FGF14: variants seen among roughly 807,000 people sequenced by gnomAD.
The protein encoded by FGF14 is fibroblast growth factor 14.
A neutral mutation model predicts 25.5 loss-of-function variants in FGF14; 5 were observed. The observed-to-expected ratio is 0.20, with a 90% confidence interval of 0.10 to 0.41. The LOEUF (loss-of-function observed/expected upper bound fraction) is 0.41, where lower values mean the gene tolerates loss of function less well. FGF14 is among the 10% of genes least tolerant of loss of function. The pLI is 1.00. For missense variants in FGF14, 222 were observed against 320.1 expected (o/e 0.69, Z 2.34); for synonymous variants, 138 against 118.3 (o/e 1.17, Z -1.08).
rs551302243 is a variant in FGF14 at position 102,201,034 on chromosome 13, G to A, written c.208+200437C>T. Among the ~76,000 whole-genome samples the A allele has an allele frequency of 1.6e-4, 24 of 147,336 alleles. 1 individual carries two copies. The South Asian group carries it at 2.1e-3, about 13-fold the overall frequency. On this transcript the variant is annotated intron_variant, in intron 1 of 4. Coordinates refer to the FGF14 transcript ENST00000376131. ...GGAGAATGGCGTGAACCCGGGAGGC[G>A]GAGCTTGCTTGAGCTGAGATCGCGC...
intron 1 of FGF14, among the ~76,000 whole-genome samples, chr13:102,123,865 G>A (rs1372538589): frequency 2.0e-5 from 3 of 152,096 alleles, no homozygotes; most frequent in Non-Finnish European, 2.9e-5. Flanking sequence ...GACATTAGAA[G>A]TGTTTTGAGC....
At chr13:102,119,622 TAATA>T (rs2045626762) in intron 1 of FGF14, among the ~76,000 whole-genome samples, 2 of 152,190 alleles carry the variant, frequency 1.3e-5, no homozygotes, top group African/African-American at 4.8e-5. Context: ...TGGAAATAAA[TAATA>T]TATATGTATG....
intron 1 of FGF14, among the ~76,000 whole-genome samples, chr13:102,076,008 G>A (rs1440049488): frequency 6.6e-6 from 1 of 152,078 alleles, no homozygotes; most frequent in African/African-American, 2.4e-5. Context: ...TATTACAGAA[G>A]AGTCAAAAAT....
intron 1 of FGF14, among the ~76,000 whole-genome samples, chr13:101,888,518 T>C (rs2046107715): frequency 6.6e-6 from 1 of 152,170 alleles, no homozygotes; most frequent in Admixed American, 6.6e-5. Context: ...TATGTGACTT[T>C]AGGTAATTCA....
chr13:102,012,394 C>T (rs1273519277), intron 1 of FGF14, among the ~76,000 whole-genome samples: 2 of 152,130 alleles, frequency 1.3e-5, no homozygotes, highest in Non-Finnish European at 2.9e-5. Flanking sequence ...TCTAGATTTC[C>T]TAGCAGGCCT....
chr13:101,736,037 T>G (rs184024073), intron 3 of FGF14, among the ~76,000 whole-genome samples: 1 of 152,332 alleles, frequency 6.6e-6, no homozygotes, highest in East Asian at 1.9e-4. Context: ...AACGTTTCTT[T>G]GTTTGACAAA....
intron 1 of FGF14, among the ~76,000 whole-genome samples, chr13:102,347,736 G>A (rs887874234): frequency 1.3e-5 from 2 of 152,100 alleles, no homozygotes; most frequent in African/African-American, 2.4e-5. Context: ...CCACTGAAGC[G>A]GAATCAGGCC....
intron 1 of FGF14, among the ~76,000 whole-genome samples, chr13:101,971,110 G>A (rs1177853872): frequency 1.3e-5 from 2 of 152,122 alleles, no homozygotes; most frequent in Admixed American, 6.6e-5. Context: ...CACCCCAATA[G>A]ATCCTAGATA....
chr13:102,095,977 TTGTGTGTGTG>T (rs35113785), intron 1 of FGF14, among the ~76,000 whole-genome samples: 2 of 142,734 alleles, frequency 1.4e-5, no homozygotes, highest in South Asian at 2.3e-4. Context: ...TAAATACAAT[TTGTGTGTGTG>T]TGTGTGTGTG....
At chr13:101,863,782 A>G (rs2044552063) in intron 3 of FGF14, among the ~76,000 whole-genome samples, 1 of 152,140 alleles carries the variant, frequency 6.6e-6, no homozygotes, top group African/African-American at 2.4e-5. Flanking sequence ...AGAGGAAAAT[A>G]ACATTGTTCC....
rs537172032 is a variant in FGF14 at position 102,160,680 on chromosome 13, C to CA, written c.208+240790dup. ...AGAAAACAGAGGGACTGCCCTTTCA[C>CA]AAAAAATGCTAGAATATCCTCAAGA... On this transcript the variant is annotated intron_variant, in intron 1 of 4. Transcript: ENST00000376131. Among the ~76,000 whole-genome samples the CA allele has an allele frequency of 1.7e-4, 26 of 151,934 alleles. No individual in the cohort carries two copies. The East Asian group carries it at 2.7e-3, about 16-fold the overall frequency.
intron 1 of FGF14, among the ~76,000 whole-genome samples, chr13:102,200,359 T>C (rs926884417): frequency 6.6e-6 from 1 of 152,210 alleles, no homozygotes; most frequent in East Asian, 1.9e-4. Flanking sequence ...TTATTATGTA[T>C]GTATATTTTG....
intron 1 of FGF14, among the ~76,000 whole-genome samples, chr13:101,905,837 T>C (rs2032171102): frequency 6.6e-6 from 1 of 152,266 alleles, no homozygotes; most frequent in Non-Finnish European, 1.5e-5. Context: ...GAGTTAATTC[T>C]AAAACTGTAC....
At chr13:102,361,950 C>T (rs1213055119) in intron 1 of FGF14, among the ~76,000 whole-genome samples, 1 of 152,016 alleles carries the variant, frequency 6.6e-6, no homozygotes, top group African/African-American at 2.4e-5. Flanking sequence ...AGCCCAGTCT[C>T]CTTCAGTCTT....
chr13:102,131,933 A>T (rs1382994598), intron 1 of FGF14, among the ~76,000 whole-genome samples: 1 of 152,236 alleles, frequency 6.6e-6, no homozygotes, highest in Non-Finnish European at 1.5e-5. Context: ...TAAAGATAGG[A>T]GGAATTAAGT....
chr13:102,275,558 A>G (rs1205189320), intron 1 of FGF14, among the ~76,000 whole-genome samples: 1 of 152,312 alleles, frequency 6.6e-6, no homozygotes, highest in East Asian at 1.9e-4. Flanking sequence ...AAGGCATTCC[A>G]TTGGGAAATT....
chr13:101,837,996 C>T (rs60021648), intron 3 of FGF14, among the ~76,000 whole-genome samples: 5 of 151,890 alleles, frequency 3.3e-5, no homozygotes, highest in Admixed American at 2.6e-4. Context: ...GTGTCCTTCT[C>T]CCATGGTGCT....
chr13:101,733,077 A>G (rs1312357088), intron 3 of FGF14, among the ~76,000 whole-genome samples: 2 of 152,222 alleles, frequency 1.3e-5, no homozygotes, highest in Non-Finnish European at 2.9e-5. Flanking sequence ...AGAAAAGAAT[A>G]TCGTGAACTT....
chr13:101,904,229 G>A (rs1469622217), intron 1 of FGF14, among the ~76,000 whole-genome samples: 1 of 152,206 alleles, frequency 6.6e-6, no homozygotes, highest in Non-Finnish European at 1.5e-5. Flanking sequence ...GGCTTTACCA[G>A]CACCGACCAC....
Sources: gnomAD v4.1 joint callset for allele counts (sites outside exome capture counted in the v4.1 genomes callset) on GRCh38, gnomAD v4.1.1 for gene constraint, MANE v1.5 for transcripts, NCBI Gene and HGNC (gene_info 2026-07-23, HGNC 2026-07-21) for gene names.